The following FHL2 variants were observed in gnomAD, a reference collection of about 807,000 sequenced individuals.
FHL2 encodes four and a half LIM domains protein 2.
Under a neutral mutation model 32.7 loss-of-function variants are expected in FHL2, and 20 were observed. That is an observed-to-expected ratio of 0.61 (90% CI 0.43 to 0.89). The LOEUF (loss-of-function observed/expected upper bound fraction) is 0.89. Among genes scored for constraint, FHL2 ranks in the 40% least tolerant of loss-of-function variants. The probability of loss-of-function intolerance (pLI) is 0.00; values close to 1 mark genes in which losing one functional copy is unlikely to be tolerated. For synonymous variants in FHL2, 123 were observed against 128.1 expected (o/e 0.96, Z 0.27); for missense variants, 311 against 358.6 (o/e 0.87, Z 1.07).
Position 105,437,968 on chromosome 2 carries a change from G to A in FHL2, c.-25+431C>T, listed in dbSNP as rs143772530. 3.2e-3 allele frequency among the ~76,000 whole-genome samples: 483 copies of A among 152,272 alleles called. 1 individual carries two copies. Among genetic ancestry groups the A allele is most frequent in the African/African-American group, 0.011 (450 of 41,558 alleles). On this transcript the variant is annotated intron_variant, in intron 1 of 5. Coordinates refer to the FHL2 transcript ENST00000393352. ...GGCTTTCCGGAAATTCTGTCAGGGA[G>A]AAAAAGTTCAAGTGCACTGTGGTTT...
At chr2:105,433,556 C>T (rs1684502942) in intron 1 of FHL2, among the ~76,000 whole-genome samples, 2 of 152,138 alleles carry the variant, frequency 1.3e-5, no homozygotes, top group South Asian at 4.2e-4. Flanking sequence ...GTGAAACTGG[C>T]ATTGCACTGC....
chr2:105,428,316 G>T (rs1252522151), intron 1 of FHL2, among the ~76,000 whole-genome samples: 1 of 152,206 alleles, frequency 6.6e-6, no homozygotes, highest in Non-Finnish European at 1.5e-5. Flanking sequence ...GGAGCCAGGG[G>T]CTTGCTGAGC....
chr2:105,436,864 A>G (rs1010911217), intron 1 of FHL2, among the ~76,000 whole-genome samples: 3 of 152,230 alleles, frequency 2.0e-5, no homozygotes, highest in Non-Finnish European at 4.4e-5. Context: ...TAAACAATCA[A>G]TATAATTTTA....
chr2:105,430,971 TTC>T (rs1684414343), intron 1 of FHL2, among the ~76,000 whole-genome samples: 1 of 152,232 alleles, frequency 6.6e-6, no homozygotes, highest in Admixed American at 6.5e-5. Flanking sequence ...ATGGACAGTT[TTC>T]TCTTTGATCT....
chr2:105,424,506 A>G (rs1166669555), intron 1 of FHL2, among the ~76,000 whole-genome samples: 3 of 152,238 alleles, frequency 2.0e-5, no homozygotes, highest in African/African-American at 4.8e-5. Flanking sequence ...TTACCATTTC[A>G]CCCAGCAATC....
At chr2:105,401,369 T>C (rs1683464386), upstream of FHL2, among the ~76,000 whole-genome samples, 1 of 152,180 alleles carries the variant, frequency 6.6e-6, no homozygotes, top group Non-Finnish European at 1.5e-5. Context: ...CGAAATACTA[T>C]CAGCCATGGA....
At chr2:105,406,816 G>T (rs1238048893) in intron 1 of FHL2, among the ~76,000 whole-genome samples, 1 of 152,186 alleles carries the variant, frequency 6.6e-6, no homozygotes, top group South Asian at 2.1e-4. Context: ...CGGCCAGTGA[G>T]GGGAGAGCCT....
Position 105,361,242 on chromosome 2 carries a change from C to G in FHL2, c.*41G>C, listed in dbSNP as rs1290529530. The G allele has an allele frequency of 3.2e-6, 5 of 1,583,366 alleles. No individual in the cohort carries two copies. Among genetic ancestry groups the G allele is most frequent in the Non-Finnish European group, 4.3e-6 (5 of 1,161,794 alleles). On this transcript the variant is annotated 3_prime_UTR_variant, in exon 7 of 7. Transcript: ENST00000530340. ...TGGGTGAGAAAGAAAACATAAAAAT[C>G]TGTGTGTGAGATCACAAGCAGCAAC...
intron 1 of FHL2, among the ~76,000 whole-genome samples, chr2:105,434,909 G>T (rs768864937): frequency 1.3e-5 from 2 of 151,922 alleles, no homozygotes; most frequent in Non-Finnish European, 2.9e-5. Flanking sequence ...ATTCTGGTTG[G>T]TTATTTATGA....
chr2:105,393,079 G>A (rs1682848891), intron 2 of FHL2, among the ~76,000 whole-genome samples: 1 of 151,960 alleles, frequency 6.6e-6, no homozygotes, highest in Admixed American at 6.6e-5. Context: ...AGGCCTTGGA[G>A]TTCCAGGAGC....
intron 1 of FHL2, among the ~76,000 whole-genome samples, chr2:105,418,700 C>A (rs894853390): frequency 6.6e-6 from 1 of 152,186 alleles, no homozygotes; most frequent in African/African-American, 2.4e-5. Flanking sequence ...TCCTCCCGCT[C>A]CCCTTATCTG....
chr2:105,416,580 T>A (rs1260964409), intron 1 of FHL2, among the ~76,000 whole-genome samples: 1 of 152,256 alleles, frequency 6.6e-6, no homozygotes, highest in Non-Finnish European at 1.5e-5. Flanking sequence ...CATATTCTAT[T>A]ACATTAAAGC....
At chr2:105,418,831 G>A (rs913346621) in intron 1 of FHL2, among the ~76,000 whole-genome samples, 1 of 152,024 alleles carries the variant, frequency 6.6e-6, no homozygotes, top group Non-Finnish European at 1.5e-5. Flanking sequence ...TTTTATTACA[G>A]CATATTGTTA....
intron 1 of FHL2, among the ~76,000 whole-genome samples, chr2:105,418,715 T>C (rs1055679705): frequency 1.3e-5 from 2 of 152,200 alleles, no homozygotes; most frequent in African/African-American, 4.8e-5. Context: ...TATCTGCAGT[T>C]TCTCTTTCCA....
chr2:105,437,962 CAG>C (rs902092633), intron 1 of FHL2, among the ~76,000 whole-genome samples: 5 of 152,208 alleles, frequency 3.3e-5, no homozygotes, highest in African/African-American at 1.2e-4. Context: ...GAAATTCTGT[CAG>C]GGAGAAAAAG....
chr2:105,429,135 C>T (rs944348499), intron 1 of FHL2, among the ~76,000 whole-genome samples: 2 of 152,152 alleles, frequency 1.3e-5, no homozygotes, highest in South Asian at 4.2e-4. Flanking sequence ...CAGAGGTTTC[C>T]ACCCTCCCTC....
At chr2:105,430,300 C>T (rs1452442794) in intron 1 of FHL2, among the ~76,000 whole-genome samples, 2 of 152,174 alleles carry the variant, frequency 1.3e-5, no homozygotes, top group Admixed American at 1.3e-4. Context: ...TGATCTTCTC[C>T]TGTCCTCCTC....
intron 4 of FHL2, among the ~76,000 whole-genome samples, chr2:105,368,080 G>A (rs72823878): frequency 6.2e-4 from 94 of 152,314 alleles, no homozygotes; most frequent in Non-Finnish European, 1.1e-3. Flanking sequence ...GCATAGCTCC[G>A]ATGAATTCCC....
chr2:105,431,503 C>T (rs183008364), intron 1 of FHL2, among the ~76,000 whole-genome samples: 2 of 152,170 alleles, frequency 1.3e-5, no homozygotes, highest in African/African-American at 4.8e-5. Flanking sequence ...GACAGAGATG[C>T]CAGCAGGTGC....
Sources: allele counts gnomAD v4.1 joint callset (sites outside exome capture counted in the v4.1 genomes callset), GRCh38; gene constraint gnomAD v4.1.1; transcripts MANE v1.5; gene names NCBI Gene and HGNC (gene_info 2026-07-23, HGNC 2026-07-21).